SLC22A11: variants seen among roughly 807,000 people sequenced by gnomAD.
The protein encoded by SLC22A11 is organic anion transporter 4.
Under a neutral mutation model 49.4 loss-of-function variants are expected in SLC22A11, and 42 were observed. The observed-to-expected ratio is 0.85, with a 90% CI of 0.66 to 1.10. The LOEUF (loss-of-function observed/expected upper bound fraction) is 1.10, where lower values mean the gene tolerates loss of function less well. Among genes scored for constraint, SLC22A11 ranks in the 50% least tolerant of loss-of-function variants. SLC22A11 has a pLI of 0.00. For synonymous variants in SLC22A11, 304 were observed against 315.8 expected, an observed-to-expected ratio of 0.96 and a Z score of 0.40; for missense variants, 685 against 731.6, an observed-to-expected ratio of 0.94 and a Z score of 0.74.
intron 9 of SLC22A11, among the ~76,000 whole-genome samples, 160 bp from the exon 10 acceptor site, chr11:64,570,819 A>G (rs1474935298): frequency 6.6e-6 from 1 of 152,118 alleles, no homozygotes; most frequent in Non-Finnish European, 1.5e-5. Context: ...TTGTGTACCT[A>G]CTATGTTTCA....
chr11:64,563,422 A>G (rs2038577455), intron 4 of SLC22A11, among the ~76,000 whole-genome samples: 1 of 151,888 alleles, frequency 6.6e-6, no homozygotes, highest in Admixed American at 6.6e-5. Flanking sequence ...CTTCACCACT[A>G]CGTCAGACTG....
intron 6 of SLC22A11, 70 bp from the exon 7 acceptor site, chr11:64,567,529 G>A (rs1440591148): frequency 7.6e-6 from 11 of 1,438,144 alleles, no homozygotes; most frequent in African/African-American, 1.4e-5. Context: ...CTCCTGGTGG[G>A]AGGTGCTGTT....
At chr11:64,558,951 C>T (rs1006532721) in intron 1 of SLC22A11, among the ~76,000 whole-genome samples, 184 bp from the exon 2 acceptor site, 3 of 152,184 alleles carry the variant, frequency 2.0e-5, no homozygotes, top group African/African-American at 7.2e-5. Context: ...AGCCAGGTCA[C>T]ATTCTGTCCT....
chr11:64,572,273 C>T lies in SLC22A11; in HGVS notation c.*1231C>T, dbSNP rs554391376. The stretch of plus-strand genomic sequence containing the variant: ...CTCTGGGATGGTCGAGGCCGGCTGC[C>T]CATCTCAGATGGGCAAGGAAGCAAA... On this transcript the variant is annotated 3_prime_UTR_variant, in exon 10 of 10. Coordinates refer to ENST00000301891, the MANE Select transcript of SLC22A11 (RefSeq NM_018484.4). 1 of 152,272 alleles carries T rather than the reference C, an allele frequency of 6.6e-6. No individual in the cohort carries two copies. The highest frequency in any genetic ancestry group is 2.4e-5 in the African/African-American group (1 of 41,466). 9.4% of individuals were successfully genotyped at this position (152,272 alleles called of 1,614,324 possible). A position where few individuals can be genotyped will look rare whatever the true frequency, so the allele number is the denominator to read the frequency against.
Position 64,565,074 on chromosome 11 carries a change from TC to T in SLC22A11, c.943-144del. 1 of 623,434 alleles carries T rather than the reference TC, an allele frequency of 1.6e-6. No individual in the cohort carries two copies. The highest frequency in any genetic ancestry group is 2.8e-6 in the Non-Finnish European group (1 of 358,924). The allele number at this position is 623,434 out of a possible 1,614,324, so 38.6% of individuals were successfully genotyped here. On this transcript the variant is annotated intron_variant, in intron 5 of 9. Transcript: ENST00000301891. This position sits in a 1 kb window ranked among gnomAD's most constrained non-coding sequence, Gnocchi z 4.1. Reference sequence around the variant, plus strand: ...AGAGAACCTTTTCTGCCCCATCCCCTCCCCTTCCCCTAGGGATCCAGCTTCC... The same window carrying T: ...AGAGAACCTTTTCTGCCCCATCCCCTCCCTTCCCCTAGGGATCCAGCTTCC...
rs560296618 is a variant in SLC22A11, at chr11:64,571,228, C to G, written c.*186C>G. 2 of 622,472 alleles carry G rather than the reference C, an allele frequency of 3.2e-6. No homozygotes were observed. The highest frequency in any genetic ancestry group is 5.5e-5 in the East Asian group (2 of 36,606). The allele number at this position is 622,472 out of a possible 1,614,324, so 38.6% of individuals were successfully genotyped here. The stretch of plus-strand genomic sequence containing the variant: ...TGAAGGCAGCTTCCACAGCTCACTC[C>G]TCTTCTCCCTGCCCTGATCAGATTC... On this transcript the variant is annotated 3_prime_UTR_variant, in exon 10 of 10. Coordinates refer to ENST00000301891, the MANE Select transcript of SLC22A11 (RefSeq NM_018484.4).
Position 64,567,785 on chromosome 11 carries a change from C to T in SLC22A11, c.1245C>T (p.Ala415=). The T allele has an allele frequency of 1.9e-6, 3 of 1,607,072 alleles. No individual in the cohort carries two copies. The highest frequency in any genetic ancestry group is 1.7e-6 in the Non-Finnish European group (2 of 1,177,742). Residue 415 remains alanine, a synonymous_variant, in exon 7 of 10, where the codon GCC becomes GCT. Transcript: ENST00000301891. ...QAGSQAMAGL[A]ILANMLVPQD... is the part of the protein sequence containing the mutation. ...GTTCCCAGGCCATGGCCGGCCTCGCCATTCTAGCCAACATGCTGGTGCCGC... is the reference window on the plus strand; with the variant it reads ...GTTCCCAGGCCATGGCCGGCCTCGCTATTCTAGCCAACATGCTGGTGCCGC...
At chr11:64,560,759 C>T (rs962432048) in intron 2 of SLC22A11, among the ~76,000 whole-genome samples, 4 of 152,192 alleles carry the variant, frequency 2.6e-5, no homozygotes, top group Non-Finnish European at 4.4e-5. Context: ...GGACTGTGCT[C>T]CAGAGCCCAG....
rs1232888763 is a variant in SLC22A11 at position 64,572,748 on chromosome 11, CT to C, written c.*1707del. 1.3e-5 allele frequency: 2 copies of C among 152,250 alleles called. No individual in the cohort carries two copies. The highest frequency in any genetic ancestry group is 1.5e-5 in the Non-Finnish European group (1 of 68,054). 9.4% of individuals were successfully genotyped at this position (152,250 alleles called of 1,614,324 possible). A position where few individuals can be genotyped will look rare whatever the true frequency, so the allele number is the denominator to read the frequency against. On this transcript the variant is annotated 3_prime_UTR_variant, in exon 10 of 10. Transcript: ENST00000301891. ...GTGGCTCACAATAAGGATCACACTT[CT>C]CCCCCTGCCTGGTCAGGCAGCCATG...
chr11:64,565,486 C>G lies in SLC22A11; in HGVS notation c.1058+149C>G. 1.4e-6 allele frequency: 1 copy of G among 709,940 alleles called. No homozygotes were observed. 44.0% of individuals were successfully genotyped at this position (709,940 alleles called of 1,614,324 possible). A position where few individuals can be genotyped will look rare whatever the true frequency, so the allele number is the denominator to read the frequency against. On this transcript the variant is annotated intron_variant, in intron 6 of 9. Transcript: ENST00000301891. The surrounding 1 kb of genome is among the most constrained non-coding windows in gnomAD (Gnocchi z 4.1). Reference sequence around the variant, plus strand: ...TGTCTGGGACAGGACGCAGACAGCCCCAGCAGGCAGGAGTCCTGGCAGGCA... The same window carrying G: ...TGTCTGGGACAGGACGCAGACAGCCGCAGCAGGCAGGAGTCCTGGCAGGCA...
In SLC22A11 at chr11:64,562,303, C is replaced by G. The variant is rs751266040; in HGVS notation, c.689C>G (p.Thr230Ser). ...ACCACGACCAGCAGGAGGGCGGTCACCATGACGGTGGTGGGATGTGCCTTC... is the reference window on the plus strand; with the variant it reads ...ACCACGACCAGCAGGAGGGCGGTCAGCATGACGGTGGTGGGATGTGCCTTC... ...EWTTTSRRAV[T>S]MTVVGCAFSA... is the part of the protein sequence containing the mutation. The change falls in exon 4 of 10, where the codon ACC (threonine) becomes AGC (serine). Residue 230 changes from threonine to serine, a missense_variant. By Grantham distance (58) the Thr-to-Ser change is moderately conservative (BLOSUM62 1). Coordinates refer to ENST00000301891, the MANE Select transcript of SLC22A11 (RefSeq NM_018484.4). This position sits in a 1 kb window ranked among gnomAD's most constrained non-coding sequence, Gnocchi z 4.4. 2.5e-5 allele frequency: 40 copies of G among 1,610,016 alleles called. No individual in the cohort carries two copies. The Admixed American group carries it at 2.5e-4, about 10-fold the overall frequency.
chr11:64,567,836 T>TG, intron 7 of SLC22A11, 23 bp downstream of exon 7: 1 of 1,551,158 alleles, frequency 6.4e-7, no homozygotes, highest in Non-Finnish European at 8.7e-7. Context: ...GACTGGGCGG[T>TG]GGGACCGGGC....
chr11:64,563,640 G>T (rs1043393182), intron 4 of SLC22A11, among the ~76,000 whole-genome samples: 2 of 59,198 alleles, frequency 3.4e-5, no homozygotes, highest in South Asian at 4.9e-4. Context: ...AAAAAAAAAG[G>T]CCGGGCACAG....
At position 64,564,032 on chromosome 11, in the gene SLC22A11, G is replaced by A. The variant is rs1381080922; in HGVS notation, c.822-276G>A. Among the ~76,000 whole-genome samples the A allele has an allele frequency of 6.6e-6, 1 of 152,194 alleles. No homozygotes were observed. The highest frequency in any genetic ancestry group is 1.5e-5 in the Non-Finnish European group (1 of 68,012). ...CCCATGCCCAGGCCACCTGTGCCCT[G>A]GCTGTGTGCAGGGCTCAGGTGGGCA... On this transcript the variant is annotated intron_variant, in intron 4 of 9. Coordinates refer to ENST00000301891, the MANE Select transcript of SLC22A11 (RefSeq NM_018484.4). This position sits in a 1 kb window ranked among gnomAD's most constrained non-coding sequence, Gnocchi z 4.2.
chr11:64,567,610 T>C lies in SLC22A11; in HGVS notation c.1070T>C (p.Leu357Ser). The change falls in exon 7 of 10, where the codon TTG (leucine) becomes TCG (serine). Residue 357 changes from leucine (L) to serine (S), a missense_variant. Leu to Ser is a moderately radical substitution (Grantham distance 145). Transcript: ENST00000301891. Reference protein sequence around the residue: ...CAMLVVNFSLLISYYGLVFDL... With the variant: ...CAMLVVNFSLSISYYGLVFDL... Reference sequence around the variant, plus strand: ...AGCCTTGCCCGCAGTTTCTCTCTATTGATCTCCTACTATGGGCTGGTCTTC... The same window carrying C: ...AGCCTTGCCCGCAGTTTCTCTCTATCGATCTCCTACTATGGGCTGGTCTTC... 6.2e-7 allele frequency: 1 copy of C among 1,609,180 alleles called. No homozygotes were observed. Among genetic ancestry groups the C allele is most frequent in the Non-Finnish European group, 8.5e-7 (1 of 1,175,630 alleles).
chr11:64,562,098 G>A lies in SLC22A11; in HGVS notation c.592G>A (p.Gly198Ser), dbSNP rs370987708. The A allele has an allele frequency of 8.7e-6, 14 of 1,613,794 alleles. No homozygotes were observed. The highest frequency in any genetic ancestry group is 5.5e-5 in the South Asian group (5 of 91,090). ...IFAPTFVIYCGLRFVAAFGMA... is the reference protein window; with the variant it reads ...IFAPTFVIYCSLRFVAAFGMA... Reference sequence around the variant, plus strand: ...CGCCCCAACATTCGTCATCTACTGCGGCCTGCGGTTCGTGGCCGCTTTTGG... The same window carrying A: ...CGCCCCAACATTCGTCATCTACTGCAGCCTGCGGTTCGTGGCCGCTTTTGG... The change falls in exon 3 of 10, where the codon GGC (glycine) becomes AGC (serine). Residue 198 changes from glycine to serine, a missense_variant. Physicochemically the swap from Gly to Ser is moderately conservative, Grantham distance 56 (BLOSUM62 0). Transcript: ENST00000301891. This position sits in a 1 kb window ranked among gnomAD's most constrained non-coding sequence, Gnocchi z 4.4.
chr11:64,570,377 T>C (rs2038687495), intron 9 of SLC22A11, among the ~76,000 whole-genome samples: 1 of 152,242 alleles, frequency 6.6e-6, no homozygotes, highest in African/African-American at 2.4e-5. Context: ...CTGCATTTTA[T>C]AGCCAGAACC....
At position 64,556,020 on chromosome 11, in the gene SLC22A11, G is replaced by A. The variant is rs941204864; in HGVS notation, c.21G>A (p.Leu7=). The change falls in exon 1 of 10, where the codon TTG becomes TTA. Residue 7 remains leucine (L), a synonymous_variant. Transcript: ENST00000301891. MAFSKL[L]EQAGGVGLFQ... ...TGTTCATGGCGTTCTCGAAGCTCTT[G>A]GAGCAAGCCGGAGGCGTGGGCCTCT... 6.2e-7 allele frequency: 1 copy of A among 1,610,740 alleles called. No individual in the cohort carries two copies.
intron 8 of SLC22A11, 105 bp downstream of exon 8, chr11:64,568,883 G>T (rs879618954): frequency 6.2e-6 from 6 of 966,236 alleles, no homozygotes; most frequent in Non-Finnish European, 9.8e-6. Flanking sequence ...AGCCAGGGCC[G>T]CTCAGGGTCC....
Sources: gnomAD v4.1 joint callset for allele counts (sites outside exome capture counted in the v4.1 genomes callset) on GRCh38, gnomAD v4.1.1 for gene constraint, Gnocchi (gnomAD v3.1) non-coding constraint, MANE v1.5 for transcripts, NCBI Gene and HGNC (gene_info 2026-07-23, HGNC 2026-07-21) for gene names.